The following DIAPH3 variants were observed in gnomAD, a reference collection of about 807,000 sequenced individuals.
The protein encoded by DIAPH3 is diaphanous related formin 3.
In DIAPH3, 117 loss-of-function variants were observed where a neutral mutation model predicts 144.3. The observed-to-expected ratio is 0.81, with a 90% confidence interval of 0.70 to 0.95. The LOEUF (loss-of-function observed/expected upper bound fraction) is 0.95, where lower values mean the gene tolerates loss of function less well. Among genes scored for constraint, DIAPH3 ranks in the 40% least tolerant of loss-of-function variants. DIAPH3 has a pLI of 0.00. For missense variants in DIAPH3, 1,421 were observed against 1,412.7 expected (o/e 1.01, Z -0.09); for synonymous variants, 519 against 488.9 (o/e 1.06, Z -0.81).
chr13:59,710,439 C>T (rs1193792759), intron 27 of DIAPH3, among the ~76,000 whole-genome samples: 1 of 151,984 alleles, frequency 6.6e-6, no homozygotes, highest in Non-Finnish European at 1.5e-5. Flanking sequence ...CTGAAAAAGA[C>T]ATGCCATTTA....
At chr13:59,915,965 T>C (rs1288619233) in intron 19 of DIAPH3, among the ~76,000 whole-genome samples, 190 bp downstream of exon 19, 5 of 152,178 alleles carry the variant, frequency 3.3e-5, no homozygotes, top group African/African-American at 9.6e-5. Context: ...TAGCATTCTA[T>C]TTCATGTGCA....
chr13:59,706,052 T>C (rs568622748), intron 27 of DIAPH3, among the ~76,000 whole-genome samples: 12 of 152,112 alleles, frequency 7.9e-5, no homozygotes, highest in African/African-American at 2.9e-4. Context: ...CCAAAGATGC[T>C]CTAGTCCTTG....
intron 4 of DIAPH3, among the ~76,000 whole-genome samples, chr13:60,046,991 G>C (rs1281626007): frequency 6.6e-6 from 1 of 152,156 alleles, no homozygotes; most frequent in African/African-American, 2.4e-5. Context: ...GGGGGGCTAA[G>C]AGAGGGATAG....
intron 22 of DIAPH3, among the ~76,000 whole-genome samples, chr13:59,842,166 G>A (rs977591716): frequency 2.0e-5 from 3 of 151,914 alleles, no homozygotes; most frequent in African/African-American, 7.3e-5. Flanking sequence ...TAAGCATTCT[G>A]GATGGACGGG....
At chr13:60,004,784 C>T (rs754685589) in intron 9 of DIAPH3, among the ~76,000 whole-genome samples, 19 of 152,212 alleles carry the variant, frequency 1.2e-4, no homozygotes, top group Non-Finnish European at 1.9e-4. Flanking sequence ...ATTAACACTA[C>T]TACTAACTGT....
intron 5 of DIAPH3, among the ~76,000 whole-genome samples, chr13:60,039,245 C>A (rs2055455163): frequency 6.6e-6 from 1 of 151,714 alleles, no homozygotes; most frequent in African/African-American, 2.4e-5. Flanking sequence ...ATTACATATC[C>A]AGAGCCAAGA....
At chr13:60,132,809 G>T in intron 2 of DIAPH3, 148 bp downstream of exon 2, 1 of 623,270 alleles carries the variant, frequency 1.6e-6, no homozygotes, top group Non-Finnish European at 2.8e-6. Context: ...TATTTTACCA[G>T]TTCTGCCTCT....
intron 2 of DIAPH3, among the ~76,000 whole-genome samples, chr13:60,119,887 G>C (rs2058803320): frequency 6.6e-6 from 1 of 151,698 alleles, no homozygotes; most frequent in African/African-American, 2.4e-5. Context: ...GTACCTGATA[G>C]TTAGCAGTCA....
intron 20 of DIAPH3, among the ~76,000 whole-genome samples, chr13:59,884,120 G>C (rs2045275837): frequency 6.6e-6 from 1 of 152,090 alleles, no homozygotes; most frequent in Non-Finnish European, 1.5e-5. Context: ...CCTCCTGTGA[G>C]ATCAGTAGTG....
intron 20 of DIAPH3, among the ~76,000 whole-genome samples, chr13:59,885,573 CTGA>C (rs914772656): frequency 6.6e-5 from 10 of 151,508 alleles, no homozygotes; most frequent in African/African-American, 2.4e-4. Context: ...TACTTTCCTG[CTGA>C]TGGACTTTCC....
intron 5 of DIAPH3, chr13:60,034,896 T>C (rs1350961071): frequency 6.6e-6 from 1 of 152,222 alleles, no homozygotes; most frequent in Non-Finnish European, 1.5e-5. Context: ...CGTAGTTATA[T>C]GAAACTGCGT....
At chr13:59,906,262 A>G (rs1355722859) in intron 20 of DIAPH3, among the ~76,000 whole-genome samples, 1 of 152,252 alleles carries the variant, frequency 6.6e-6, no homozygotes, top group Non-Finnish European at 1.5e-5. Flanking sequence ...ATTTAAAAAC[A>G]GTACAACATG....
intron 1 of DIAPH3, among the ~76,000 whole-genome samples, chr13:60,150,966 C>G (rs961474083): frequency 1.3e-5 from 2 of 151,888 alleles, no homozygotes; most frequent in Admixed American, 6.6e-5. Flanking sequence ...TGTACAGAGG[C>G]TGTAGTAGGT....
chr13:59,930,834 A>C (rs1279276041), intron 17 of DIAPH3, among the ~76,000 whole-genome samples: 4 of 152,168 alleles, frequency 2.6e-5, no homozygotes, highest in Non-Finnish European at 5.9e-5. Flanking sequence ...ATCCAAACGA[A>C]AGTCAATGGT....
intron 21 of DIAPH3, among the ~76,000 whole-genome samples, chr13:59,865,051 G>A (rs2043833844): frequency 6.6e-6 from 1 of 151,858 alleles, no homozygotes; most frequent in Non-Finnish European, 1.5e-5. Flanking sequence ...CTAAACTCCA[G>A]GGCAGAGATT....
In DIAPH3 at chr13:59,711,481, C is replaced by T. The variant is rs141648523; in HGVS notation, c.3320-44635G>A. On this transcript the variant is annotated intron_variant, in intron 27 of 27. Transcript: ENST00000400324. ...ATGATGCTATTGCTCTTGCTACCAT[C>T]ACCATTACCACACCACCACCACCTC... 3.0e-3 allele frequency among the ~76,000 whole-genome samples: 463 copies of T among 152,288 alleles called. 2 individuals are homozygous for T. Among genetic ancestry groups the T allele is most frequent in the African/African-American group, 9.8e-3 (406 of 41,564 alleles).
chr13:59,697,187 C>A (rs1278254122), intron 27 of DIAPH3, among the ~76,000 whole-genome samples: 1 of 151,702 alleles, frequency 6.6e-6, no homozygotes, highest in East Asian at 1.9e-4. Flanking sequence ...GGGCCGGGCG[C>A]GGTGGCTCAC....
At chr13:60,047,484 G>A (rs1040252577) in intron 4 of DIAPH3, among the ~76,000 whole-genome samples, 7 of 152,152 alleles carry the variant, frequency 4.6e-5, no homozygotes, top group African/African-American at 1.7e-4. Flanking sequence ...AGTGATACAG[G>A]CATCAGTGGA....
chr13:60,010,185 T>C (rs981466763), intron 8 of DIAPH3, among the ~76,000 whole-genome samples: 6 of 152,106 alleles, frequency 3.9e-5, no homozygotes, highest in Non-Finnish European at 8.8e-5. Flanking sequence ...TTGAAATAAT[T>C]CTATGTGGGG....
Sources: gnomAD v4.1 joint callset for allele counts (sites outside exome capture counted in the v4.1 genomes callset) on GRCh38, gnomAD v4.1.1 for gene constraint, MANE v1.5 for transcripts, NCBI Gene and HGNC (gene_info 2026-07-23, HGNC 2026-07-21) for gene names.